The following ZNF365 variants were observed in gnomAD, a reference collection of about 807,000 sequenced individuals.
ZNF365 encodes the protein protein ZNF365.
In ZNF365, 22 loss-of-function variants were observed where a neutral mutation model predicts 35.0. The ratio of observed to expected loss-of-function variants is 0.63; its 90% CI spans 0.45 to 0.90. The LOEUF is 0.90. Among genes scored for constraint, ZNF365 ranks in the 40% least tolerant of loss-of-function variants. The probability of loss-of-function intolerance (pLI) is 0.00; values close to 1 mark genes in which losing one functional copy is unlikely to be tolerated. For synonymous variants in ZNF365, 188 were observed against 196.2 expected, an observed-to-expected ratio of 0.96 and a Z score of 0.35; for missense variants, 448 against 500.3, an observed-to-expected ratio of 0.90 and a Z score of 1.00.
chr10:62,405,396 GT>G (rs1839890562), downstream of ZNF365, among the ~76,000 whole-genome samples: 1 of 152,166 alleles, frequency 6.6e-6, no homozygotes, highest in Non-Finnish European at 1.5e-5. Flanking sequence ...GCTTGAAAGG[GT>G]TTCCAGGGCC....
chr10:62,421,511 T>C (rs4146643), intron 3 of ZNF365, among the ~76,000 whole-genome samples: 93,282 of 151,828 alleles, frequency 0.61, 29,356 homozygotes, highest in East Asian at 0.84. Flanking sequence ...CCCAAGTCCG[T>C]ATCACGTAAA....
At chr10:62,374,965 A>G (rs903535810) in intron 1 of ZNF365, among the ~76,000 whole-genome samples, 17 of 152,096 alleles carry the variant, frequency 1.1e-4, no homozygotes, top group African/African-American at 4.1e-4. Context: ...CCATCACAGG[A>G]AGAGGTTCCC....
Position 62,376,390 on chromosome 10 carries a change from C to T in ZNF365, c.197C>T (p.Pro66Leu), listed in dbSNP as rs1027157338. The change falls in exon 2 of 5, where the codon CCA (proline) becomes CTA (leucine). Residue 66 changes from proline (P) to leucine (L), a missense_variant. Pro to Leu is a moderately conservative substitution (Grantham distance 98). Transcript: ENST00000395254. ...CTCTTGACAAAATGCAGTCTCTTTC[C>T]ATCCCTCAAAGACACAGACCTAGTC... The part of the protein sequence containing the change: ...RTLLTKCSLF[P>L]SLKDTDLVTS... 6.2e-7 allele frequency: 1 copy of T among 1,614,034 alleles called. No individual in the cohort carries two copies. The highest frequency in any genetic ancestry group is 1.3e-5 in the African/African-American group (1 of 74,930).
chr10:62,454,748 T>C (rs1564596136), intron 3 of ZNF365, among the ~76,000 whole-genome samples: 1 of 152,192 alleles, frequency 6.6e-6, no homozygotes, highest in Non-Finnish European at 1.5e-5. Flanking sequence ...TATTAAGCAC[T>C]ATTTGGTGTC....
chr10:62,416,462 C>T (rs1589444199), intron 3 of ZNF365, among the ~76,000 whole-genome samples: 1 of 152,068 alleles, frequency 6.6e-6, no homozygotes, highest in African/African-American at 2.4e-5. Context: ...AACCAAATGT[C>T]TGATATCTCA....
chr10:62,396,780 G>A (rs1839734994), intron 3 of ZNF365, among the ~76,000 whole-genome samples: 1 of 151,858 alleles, frequency 6.6e-6, no homozygotes, highest in Non-Finnish European at 1.5e-5. Flanking sequence ...TCTCAATTTT[G>A]CATAAAATTC....
chr10:62,451,288 C>T (rs1040928409), intron 3 of ZNF365, among the ~76,000 whole-genome samples: 1 of 151,990 alleles, frequency 6.6e-6, no homozygotes, highest in African/African-American at 2.4e-5. Flanking sequence ...AATTTTTGCC[C>T]TTGTTTTGCT....
At chr10:62,437,858 C>G (rs1477477965) in intron 3 of ZNF365, among the ~76,000 whole-genome samples, 2 of 152,296 alleles carry the variant, frequency 1.3e-5, no homozygotes, top group African/African-American at 4.8e-5. Context: ...AAACCACAGG[C>G]TTGATTATGT....
chr10:62,435,498 T>C (rs1455128778), intron 3 of ZNF365, among the ~76,000 whole-genome samples: 1 of 152,168 alleles, frequency 6.6e-6, no homozygotes, highest in Non-Finnish European at 1.5e-5. Flanking sequence ...CCACCCTAAA[T>C]GCTGCAGAAT....
chr10:62,378,110 A>T (rs1272837497), intron 2 of ZNF365, among the ~76,000 whole-genome samples: 2 of 152,198 alleles, frequency 1.3e-5, no homozygotes, highest in African/African-American at 4.8e-5. Flanking sequence ...CCTCTGACTT[A>T]CTTTGCTCCT....
At chr10:62,396,899 AC>A (rs1191908709) in intron 3 of ZNF365, among the ~76,000 whole-genome samples, 1 of 152,248 alleles carries the variant, frequency 6.6e-6, no homozygotes, top group African/African-American at 2.4e-5. Context: ...AATTAAAAAA[AC>A]AATAAGGAGA....
At chr10:62,374,992 G>T (rs1839292872) in intron 1 of ZNF365, among the ~76,000 whole-genome samples, 3 of 152,136 alleles carry the variant, frequency 2.0e-5, no homozygotes, top group Non-Finnish European at 4.4e-5. Flanking sequence ...GGGGGCCGGG[G>T]GCTTCACCTA....
intron 4 of ZNF365, among the ~76,000 whole-genome samples, chr10:62,472,205 T>C: frequency 6.6e-6 from 1 of 152,164 alleles, no homozygotes; most frequent in East Asian, 1.9e-4. Context: ...TGTCAAGGGG[T>C]TGCTTATCAC....
rs1472217884 is a variant in ZNF365 at position 62,401,264 on chromosome 10, T to C, written c.*1475T>C. On this transcript the variant is annotated 3_prime_UTR_variant, in exon 5 of 5. Coordinates refer to ENST00000395254, the MANE Select transcript of ZNF365 (RefSeq NM_014951.3). The stretch of plus-strand genomic sequence containing the variant: ...ACTATATATGTTTGTTCATGTAAAC[T>C]GAATTCTCTTATTTAAAAAATCAAA... 1 of 985,322 alleles carries C rather than the reference T, an allele frequency of 1.0e-6. No individual in the cohort carries two copies. Among genetic ancestry groups the C allele is most frequent in the Non-Finnish European group, 1.2e-6 (1 of 829,836 alleles). The allele number at this position is 985,322 out of a possible 1,614,324, so 61.0% of individuals were successfully genotyped here. A position where few individuals can be genotyped will look rare whatever the true frequency, so the allele number is the denominator to read the frequency against.
At chr10:62,472,121 T>G (rs1356058666) in intron 4 of ZNF365, among the ~76,000 whole-genome samples, 8 of 152,208 alleles carry the variant, frequency 5.3e-5, no homozygotes, top group Non-Finnish European at 1.2e-4. Flanking sequence ...GCACCTGTCA[T>G]AGATTACATT....
chr10:62,451,233 T>G (rs1840679499), intron 3 of ZNF365, among the ~76,000 whole-genome samples: 1 of 152,222 alleles, frequency 6.6e-6, no homozygotes, highest in Non-Finnish European at 1.5e-5. Context: ...TTGATGCTCC[T>G]TTTTTCTGTG....
chr10:62,469,922 T>G (rs1841004935), intron 4 of ZNF365, among the ~76,000 whole-genome samples: 1 of 152,228 alleles, frequency 6.6e-6, no homozygotes, highest in Non-Finnish European at 1.5e-5. Context: ...CTCTTAACCA[T>G]TATGTAATAC....
chr10:62,465,879 T>A (rs1840934749), intron 4 of ZNF365, among the ~76,000 whole-genome samples: 1 of 152,094 alleles, frequency 6.6e-6, no homozygotes. Flanking sequence ...TCGCAACCCT[T>A]CTTGGGGCCC....
chr10:62,391,338 G>A (rs1247726860), intron 3 of ZNF365, among the ~76,000 whole-genome samples: 3 of 152,096 alleles, frequency 2.0e-5, no homozygotes, highest in Non-Finnish European at 4.4e-5. Context: ...CACCCAAGCA[G>A]TGTACACTGT....
Sources: allele counts gnomAD v4.1 joint callset (sites outside exome capture counted in the v4.1 genomes callset), GRCh38; gene constraint gnomAD v4.1.1; transcripts MANE v1.5; gene names NCBI Gene and HGNC (gene_info 2026-07-23, HGNC 2026-07-21).